The following GRIK1 variants were observed in gnomAD, a reference collection of about 807,000 sequenced individuals.
GRIK1 encodes the protein glutamate receptor ionotropic, kainate 1.
GRIK1 carries 69 observed loss-of-function variants against 105.7 expected under a neutral mutation model. The ratio of observed to expected loss-of-function variants is 0.65; its 90% CI spans 0.54 to 0.80. The LOEUF (loss-of-function observed/expected upper bound fraction) is 0.80. GRIK1 is among the 30% of genes least tolerant of loss of function. GRIK1 has a pLI of 0.00. For synonymous variants in GRIK1, 438 were observed against 431.3 expected, an observed-to-expected ratio of 1.02 and a Z score of -0.19; for missense variants, 1,109 against 1,167.3, an observed-to-expected ratio of 0.95 and a Z score of 0.73.
intron 1 of GRIK1, among the ~76,000 whole-genome samples, chr21:29,913,559 C>T (rs1352751299): frequency 6.6e-6 from 1 of 151,340 alleles, no homozygotes; most frequent in Non-Finnish European, 1.5e-5. Flanking sequence ...AAAAGACTAA[C>T]TGTAAAGACC....
chr21:29,604,698 C>T (rs961831930), intron 7 of GRIK1, among the ~76,000 whole-genome samples: 1 of 152,104 alleles, frequency 6.6e-6, no homozygotes, highest in African/African-American at 2.4e-5. Context: ...AAACTATTGT[C>T]CCTATTTTAG....
At chr21:29,651,477 A>G (rs2062736723) in intron 5 of GRIK1, among the ~76,000 whole-genome samples, 186 bp from the exon 6 acceptor site, 1 of 152,226 alleles carries the variant, frequency 6.6e-6, no homozygotes, top group Non-Finnish European at 1.5e-5. Context: ...AACTTCAGAA[A>G]TAAGCAATTC....
intron 1 of GRIK1, among the ~76,000 whole-genome samples, chr21:29,792,561 A>G (rs1029382191): frequency 1.3e-5 from 2 of 152,212 alleles, no homozygotes; most frequent in African/African-American, 4.8e-5. Flanking sequence ...CACTCCATAA[A>G]TGTATGCTGA....
At position 29,920,367 on chromosome 21, in the gene GRIK1, C is replaced by T. The variant is rs536645315; in HGVS notation, c.118+19016G>A. ...GTCACTGAGCACACATGCCCTTTGACCTTTGGACGTCTGCATATGCTGTTC... is the reference window on the plus strand; with the variant it reads ...GTCACTGAGCACACATGCCCTTTGATCTTTGGACGTCTGCATATGCTGTTC... On this transcript the variant is annotated intron_variant, in intron 1 of 17. Coordinates refer to ENST00000327783, the MANE Select transcript of GRIK1 (RefSeq NM_001330994.2). 8.5e-5 allele frequency among the ~76,000 whole-genome samples: 13 copies of T among 152,118 alleles called. No individual in the cohort carries two copies. In the South Asian group the frequency reaches 2.1e-3, roughly 24 times the overall value.
intron 7 of GRIK1, among the ~76,000 whole-genome samples, chr21:29,639,005 A>C (rs2062454483): frequency 6.6e-6 from 1 of 152,222 alleles, no homozygotes; most frequent in South Asian, 2.1e-4. Flanking sequence ...AAATCTCAGA[A>C]TCTGTGTTCC....
chr21:29,884,321 T>C (rs2069528491), intron 1 of GRIK1, among the ~76,000 whole-genome samples: 1 of 152,042 alleles, frequency 6.6e-6, no homozygotes, highest in South Asian at 2.1e-4. Flanking sequence ...TTAAAACAAA[T>C]CTCATTTTAC....
intron 1 of GRIK1, among the ~76,000 whole-genome samples, chr21:29,820,247 C>T (rs1000234418): frequency 2.0e-5 from 3 of 152,006 alleles, no homozygotes; most frequent in African/African-American, 2.4e-5. Flanking sequence ...CTCTCACTTC[C>T]AAACCAATTA....
intron 1 of GRIK1, among the ~76,000 whole-genome samples, chr21:29,892,517 G>A (rs534253174): frequency 6.6e-6 from 1 of 152,344 alleles, no homozygotes; most frequent in African/African-American, 2.4e-5. Context: ...GCAGTGATGA[G>A]TGCTGCTGCT....
chr21:29,899,153 T>A (rs889678673), intron 1 of GRIK1, among the ~76,000 whole-genome samples: 2 of 152,340 alleles, frequency 1.3e-5, no homozygotes, highest in East Asian at 3.9e-4. Flanking sequence ...ATATACAATA[T>A]TGCTCAAAGT....
intron 1 of GRIK1, among the ~76,000 whole-genome samples, chr21:29,916,262 A>C (rs73898542): frequency 0.015 from 2,222 of 152,024 alleles, 47 homozygotes; most frequent in African/African-American, 0.049. Context: ...GTAAGAATGA[A>C]ATGAGATTAT....
chr21:29,609,537 G>A (rs572443874), intron 7 of GRIK1, among the ~76,000 whole-genome samples: 2 of 152,272 alleles, frequency 1.3e-5, no homozygotes, highest in South Asian at 4.1e-4. Context: ...TGAATTGGGG[G>A]GCCCAATAAA....
intron 1 of GRIK1, among the ~76,000 whole-genome samples, chr21:29,918,245 G>T (rs2071067942): frequency 6.6e-6 from 1 of 152,058 alleles, no homozygotes; most frequent in Non-Finnish European, 1.5e-5. Flanking sequence ...TGCAAATGAA[G>T]TAATAGTAAC....
chr21:29,922,260 T>C (rs1274559631), intron 1 of GRIK1, among the ~76,000 whole-genome samples: 3 of 152,294 alleles, frequency 2.0e-5, no homozygotes, highest in Admixed American at 6.5e-5. Context: ...AAATGACTTA[T>C]GTCCAATAAA....
intron 7 of GRIK1, among the ~76,000 whole-genome samples, chr21:29,627,440 A>C (rs2062157180): frequency 6.6e-6 from 1 of 152,194 alleles, no homozygotes; most frequent in Admixed American, 6.5e-5. Context: ...GCTGGCAATG[A>C]CACTGAGGAA....
chr21:29,811,800 C>T (rs528095773), intron 1 of GRIK1, among the ~76,000 whole-genome samples: 1 of 152,324 alleles, frequency 6.6e-6, no homozygotes, highest in Non-Finnish European at 1.5e-5. Context: ...ATGCCTTCTC[C>T]TGCCTTCTGC....
At chr21:29,808,715 A>G (rs1314678217) in intron 1 of GRIK1, among the ~76,000 whole-genome samples, 1 of 152,174 alleles carries the variant, frequency 6.6e-6, no homozygotes, top group East Asian at 1.9e-4. Context: ...ACTTATGCAT[A>G]ATTCCTTTTG....
intron 1 of GRIK1, among the ~76,000 whole-genome samples, chr21:29,939,159 A>G (rs536028302): frequency 6.6e-6 from 1 of 152,196 alleles, no homozygotes; most frequent in East Asian, 1.9e-4. Context: ...GCCCAGATTG[A>G]AAAACCCGCC....
At position 29,555,184 on chromosome 21, in the gene GRIK1, T is replaced by C; in HGVS notation, c.2475A>G (p.Lys825=). The change falls in exon 16 of 18, where the codon AAA becomes AAG. Residue 825 remains lysine (K), a synonymous_variant. Transcript: ENST00000327783. ...RGNGCPEEDN[K]EASALGVENI... ...TTTCCACTCCCAGGGCACTGGCTTC[T>C]TTGTTGTCTTCCTCGGGGCAGCCAT... is the stretch of plus-strand genomic sequence containing the variant. 1 of 1,614,066 alleles carries C rather than the reference T, an allele frequency of 6.2e-7. No individual in the cohort carries two copies. The highest frequency in any genetic ancestry group is 8.5e-7 in the Non-Finnish European group (1 of 1,179,956).
intron 1 of GRIK1, chr21:29,761,433 T>G (rs1303829532): frequency 6.6e-6 from 1 of 152,168 alleles, no homozygotes; most frequent in African/African-American, 2.4e-5. Flanking sequence ...CTGAAAACAG[T>G]CCTGCCATTT....
Sources: allele counts gnomAD v4.1 joint callset (sites outside exome capture counted in the v4.1 genomes callset), GRCh38; gene constraint gnomAD v4.1.1; transcripts MANE v1.5; gene names NCBI Gene and HGNC (gene_info 2026-07-23, HGNC 2026-07-21).